STK31: variants seen among roughly 807,000 people sequenced by gnomAD.
STK31 encodes serine/threonine-protein kinase 31.
Under a neutral mutation model 129.7 loss-of-function variants are expected in STK31, and 89 were observed. The observed-to-expected ratio is 0.69, with a 90% CI of 0.58 to 0.82. The LOEUF is 0.82. STK31 is among the 40% of genes least tolerant of loss of function. The probability of loss-of-function intolerance (pLI) is 0.00; values close to 1 mark genes in which losing one functional copy is unlikely to be tolerated. For missense variants in STK31, 1,187 were observed against 1,176.4 expected, an observed-to-expected ratio of 1.01 and a Z score of -0.13; for synonymous variants, 448 against 395.3, an observed-to-expected ratio of 1.13 and a Z score of -1.58.
chr7:23,752,733 C>G lies in STK31; in HGVS notation c.1034C>G (p.Ala345Gly). Residue 345 changes from alanine to glycine, a missense_variant, in exon 9 of 24, where the codon GCT (alanine) becomes GGT (glycine). Physicochemically the swap from Ala to Gly is moderately conservative, Grantham distance 60. Around this residue, in one of 5 missense-constraint regions of STK31, gnomAD observed 975 missense variants for 934.9 expected, o/e 1.04. Transcript: ENST00000355870. ...AQELQQEKAA[A>G]VDLTNHLEYT... is the part of the protein sequence containing the mutation. ...TTGTTTCAGCAAGAGAAGGCAGCTG[C>G]TGTGGATTTGACTAACCACTTAGAA... 1 of 1,612,870 alleles carries G rather than the reference C, an allele frequency of 6.2e-7. No homozygotes were observed. The highest frequency in any genetic ancestry group is 1.3e-5 in the African/African-American group (1 of 75,014).
At chr7:23,757,280 G>T (rs895514980) in intron 10 of STK31, among the ~76,000 whole-genome samples, 1 of 151,766 alleles carries the variant, frequency 6.6e-6, no homozygotes, top group Non-Finnish European at 1.5e-5. Flanking sequence ...AGAAAAGAAA[G>T]AGACACAGAG....
At chr7:23,735,419 G>A in intron 6 of STK31, 119 bp from the exon 7 acceptor site, 1 of 875,238 alleles carries the variant, frequency 1.1e-6, no homozygotes, top group Non-Finnish European at 1.8e-6. Flanking sequence ...ATAGCCAACA[G>A]CAAAGTAATA....
At chr7:23,760,443 G>A (rs897969351) in intron 10 of STK31, among the ~76,000 whole-genome samples, 1 of 152,142 alleles carries the variant, frequency 6.6e-6, no homozygotes, top group Non-Finnish European at 1.5e-5. Context: ...TTACGTATTA[G>A]ATTCTAACTG....
chr7:23,778,729 C>A (rs932360053), intron 15 of STK31, among the ~76,000 whole-genome samples: 5 of 151,848 alleles, frequency 3.3e-5, no homozygotes, highest in Non-Finnish European at 5.9e-5. Flanking sequence ...GTTAGCAATT[C>A]GTCTAACCTT....
intron 15 of STK31, among the ~76,000 whole-genome samples, chr7:23,777,586 C>T (rs574743457): frequency 6.6e-6 from 1 of 152,022 alleles, no homozygotes; most frequent in Admixed American, 6.5e-5. Flanking sequence ...TATGTAATGC[C>T]CTTCTTTATT....
chr7:23,756,255 G>A (rs1789077438), intron 10 of STK31, among the ~76,000 whole-genome samples: 1 of 152,062 alleles, frequency 6.6e-6, no homozygotes, highest in Admixed American at 6.5e-5. Flanking sequence ...TCTGTTTGTA[G>A]CAATTGTGAA....
chr7:23,773,273 A>G (rs750073882), intron 15 of STK31, among the ~76,000 whole-genome samples: 1 of 151,910 alleles, frequency 6.6e-6, no homozygotes, highest in Non-Finnish European at 1.5e-5. Context: ...ACCTCATCTT[A>G]TGAGTGAGAA....
chr7:23,750,067 T>TCCCCTCCCCCC (rs1788613515), intron 8 of STK31, among the ~76,000 whole-genome samples: 1 of 90,556 alleles, frequency 1.1e-5, no homozygotes, highest in Non-Finnish European at 2.3e-5. Context: ...ATGGTTTGTT[T>TCCCCTCCCCCC]CCCCCCCCGC....
At chr7:23,784,258 G>A (rs183338115) in intron 17 of STK31, among the ~76,000 whole-genome samples, 1 of 152,148 alleles carries the variant, frequency 6.6e-6, no homozygotes, top group East Asian at 1.9e-4. Flanking sequence ...GCCTAGATGA[G>A]GTATTTATTC....
At chr7:23,832,088 AT>A (rs773945956) in intron 23 of STK31, 47 bp from the exon 24 acceptor site, 44 of 1,363,562 alleles carry the variant, frequency 3.2e-5, no homozygotes, top group Admixed American at 8.7e-5. Context: ...TTCATTACAG[AT>A]TTGTCCTTTT....
intron 10 of STK31, 24 bp downstream of exon 10, chr7:23,754,498 T>C (rs1316277471): frequency 1.3e-6 from 2 of 1,598,190 alleles, no homozygotes; most frequent in African/African-American, 1.4e-5. Context: ...TTTTCTCTAT[T>C]GTGGTTTTTA....
intron 8 of STK31, among the ~76,000 whole-genome samples, chr7:23,740,917 G>T (rs1290931411): frequency 6.6e-6 from 1 of 152,152 alleles, no homozygotes; most frequent in Non-Finnish European, 1.5e-5. Flanking sequence ...GTAAAGGCAA[G>T]ATAAATACTT....
intron 22 of STK31, among the ~76,000 whole-genome samples, chr7:23,810,760 ATAAT>A (rs1483528828): frequency 7.6e-6 from 1 of 131,724 alleles, no homozygotes; most frequent in African/African-American, 3.0e-5. Context: ...TATATAATAT[ATAAT>A]ATATAAATAT....
chr7:23,809,463 G>C (rs1024982958), intron 22 of STK31, among the ~76,000 whole-genome samples: 1 of 152,014 alleles, frequency 6.6e-6, no homozygotes, highest in Non-Finnish European at 1.5e-5. Flanking sequence ...TCAAATTTGA[G>C]CACTTACAAA....
intron 23 of STK31, among the ~76,000 whole-genome samples, chr7:23,827,737 G>A (rs909353896): frequency 2.0e-5 from 3 of 152,052 alleles, no homozygotes; most frequent in African/African-American, 7.2e-5. Flanking sequence ...ATCTACCTTT[G>A]GTCTTTGATG....
upstream of STK31, chr7:23,710,110 C>A (rs1021493321): frequency 7.4e-5 from 81 of 1,090,898 alleles, no homozygotes; most frequent in Admixed American, 1.8e-3. Context: ...CAGCGTCAGG[C>A]GGCTCCCGCA....
At chr7:23,822,105 G>T (rs1470571083) in intron 23 of STK31, among the ~76,000 whole-genome samples, 1 of 152,030 alleles carries the variant, frequency 6.6e-6, no homozygotes, top group Non-Finnish European at 1.5e-5. Context: ...GCTGATAACT[G>T]TTTTGACTAT....
chr7:23,723,891 C>T (rs1786885655), intron 4 of STK31, among the ~76,000 whole-genome samples: 1 of 152,098 alleles, frequency 6.6e-6, no homozygotes, highest in African/African-American at 2.4e-5. Flanking sequence ...CACTCTGAGA[C>T]GAATTAAGAG....
intron 23 of STK31, among the ~76,000 whole-genome samples, chr7:23,828,683 G>A (rs188157366): frequency 5.7e-4 from 87 of 152,274 alleles, no homozygotes; most frequent in Admixed American, 2.9e-3. Flanking sequence ...CTTCTGCGTC[G>A]CTCACGCTGG....
Sources: gnomAD v4.1 joint callset for allele counts (sites outside exome capture counted in the v4.1 genomes callset) on GRCh38, gnomAD v4.1.1 for gene constraint, gnomAD v4.1.1 regional missense constraint, MANE v1.5 for transcripts, NCBI Gene and HGNC (gene_info 2026-07-23, HGNC 2026-07-21) for gene names.